The following CCSER1 variants were observed in gnomAD, a reference collection of about 807,000 sequenced individuals.
CCSER1 encodes coiled-coil serine rich protein 1, also known as serine-rich coiled-coil domain-containing protein 1.
A neutral mutation model predicts 82.0 loss-of-function variants in CCSER1; 41 were observed. The observed-to-expected ratio is 0.50, with a 90% CI of 0.39 to 0.65. The LOEUF (loss-of-function observed/expected upper bound fraction) is 0.65. Ranked by LOEUF, CCSER1 falls within the 30% of genes least tolerant of loss-of-function variation. The probability of loss-of-function intolerance (pLI) is 0.00; values close to 1 mark genes in which losing one functional copy is unlikely to be tolerated. For synonymous variants in CCSER1, 414 were observed against 383.9 expected (o/e 1.08, Z -0.92); for missense variants, 1,119 against 1,064.2 (o/e 1.05, Z -0.72).
At chr4:91,369,601 A>G (rs1749875338) in intron 10 of CCSER1, among the ~76,000 whole-genome samples, 1 of 151,540 alleles carries the variant, frequency 6.6e-6, no homozygotes, top group African/African-American at 2.4e-5. Flanking sequence ...AAGATTGACT[A>G]TCAATTAGAC....
chr4:90,501,495 C>T (rs17017068), intron 5 of CCSER1, among the ~76,000 whole-genome samples: 4,067 of 152,182 alleles, frequency 0.027, 191 homozygotes, highest in African/African-American at 0.093. Flanking sequence ...CGTTTTGCTT[C>T]GACTGTCCAC....
At chr4:91,018,015 G>A (rs963461380) in intron 9 of CCSER1, among the ~76,000 whole-genome samples, 2 of 152,044 alleles carry the variant, frequency 1.3e-5, no homozygotes, top group African/African-American at 4.8e-5. Context: ...TCTGAATGTG[G>A]ATGGAAAGGA....
intron 10 of CCSER1, among the ~76,000 whole-genome samples, chr4:91,250,870 C>T (rs959835247): frequency 2.0e-5 from 3 of 151,958 alleles, no homozygotes; most frequent in Non-Finnish European, 4.4e-5. Flanking sequence ...AAGTAAACCA[C>T]CAGCAGGATA....
chr4:90,799,121 G>T lies in CCSER1; in HGVS notation c.2011-16641G>T, dbSNP rs1756437635. Among the ~76,000 whole-genome samples, 3 of 152,144 alleles carry T rather than the reference G, an allele frequency of 2.0e-5. No individual in the cohort carries two copies. The South Asian group carries it at 6.2e-4, about 32-fold the overall frequency. On this transcript the variant is annotated intron_variant, in intron 7 of 10. Transcript: ENST00000509176. Reference sequence around the variant, plus strand: ...GGGGGGTCTCTGTTGGCAACTGTGTGTATGGTCACACTGGAGGTGATGTTG... The same window carrying T: ...GGGGGGTCTCTGTTGGCAACTGTGTTTATGGTCACACTGGAGGTGATGTTG...
chr4:91,237,444 C>A (rs1224611132), intron 10 of CCSER1, among the ~76,000 whole-genome samples: 1 of 151,400 alleles, frequency 6.6e-6, no homozygotes, highest in Non-Finnish European at 1.5e-5. Flanking sequence ...TACTCACCCC[C>A]ATGCAAGTCC....
At chr4:91,586,644 G>A (rs1764009402) in intron 10 of CCSER1, among the ~76,000 whole-genome samples, 1 of 151,754 alleles carries the variant, frequency 6.6e-6, no homozygotes, top group East Asian at 1.9e-4. Context: ...AAGCCAAATT[G>A]CAGTGGGATG....
chr4:90,684,779 G>A (rs949571722), intron 6 of CCSER1, among the ~76,000 whole-genome samples: 4 of 152,080 alleles, frequency 2.6e-5, no homozygotes, highest in Middle Eastern at 3.4e-3. Context: ...CACTGTTCTC[G>A]TGATAGTGAG....
chr4:90,656,514 T>C (rs1729733621), intron 6 of CCSER1, among the ~76,000 whole-genome samples: 1 of 151,866 alleles, frequency 6.6e-6, no homozygotes, highest in Non-Finnish European at 1.5e-5. Flanking sequence ...TTTTCCATTC[T>C]TTTATTTTTG....
intron 1 of CCSER1, among the ~76,000 whole-genome samples, chr4:90,168,333 T>G (rs867746473): frequency 1.3e-5 from 2 of 152,286 alleles, no homozygotes; most frequent in Middle Eastern, 6.8e-3. Context: ...TTTGTTTTTT[T>G]CTTGTAAATT....
intron 10 of CCSER1, among the ~76,000 whole-genome samples, chr4:91,135,808 G>T (rs1430188992): frequency 6.6e-6 from 1 of 152,076 alleles, no homozygotes; most frequent in African/African-American, 2.4e-5. Flanking sequence ...AAGGGAGTTG[G>T]TTGTATTATT....
intron 10 of CCSER1, among the ~76,000 whole-genome samples, chr4:91,093,115 A>G (rs1724140046): frequency 6.6e-6 from 1 of 152,208 alleles, no homozygotes; most frequent in African/African-American, 2.4e-5. Context: ...CTAGAGCCCG[A>G]GTTAAAGCAA....
At chr4:90,884,720 C>A (rs1000040830) in intron 8 of CCSER1, among the ~76,000 whole-genome samples, 2 of 151,978 alleles carry the variant, frequency 1.3e-5, no homozygotes. Flanking sequence ...GAGTACCTAC[C>A]AAATGTGGAA....
chr4:90,962,986 CA>C lies in CCSER1; in HGVS notation c.2172+39549del, dbSNP rs758579829. 3.0e-3 allele frequency among the ~76,000 whole-genome samples: 436 copies of C among 146,878 alleles called. 3 individuals are homozygous for C. Among genetic ancestry groups the C allele is most frequent in the Admixed American group, 5.7e-3 (84 of 14,704 alleles). Reference sequence around the variant, plus strand: ...GTAATTATATATTGTTCTAGTTTAGCAAAAAAAAAATCATGTTTTAAATCCG... The same window carrying C: ...GTAATTATATATTGTTCTAGTTTAGCAAAAAAAAATCATGTTTTAAATCCG... On this transcript the variant is annotated intron_variant, in intron 9 of 10. Transcript: ENST00000509176.
At position 90,207,321 on chromosome 4, in the gene CCSER1, A is replaced by ATGCTGTG. The variant is rs1560798328; in HGVS notation, c.-42+79492_-42+79498dup. Among the ~76,000 whole-genome samples, 12 of 152,226 alleles carry ATGCTGTG rather than the reference A, an allele frequency of 7.9e-5. No homozygotes were observed. The South Asian group carries it at 2.1e-3, about 26-fold the overall frequency. On this transcript the variant is annotated intron_variant, in intron 1 of 10. Transcript: ENST00000509176. The stretch of plus-strand genomic sequence containing the variant: ...CTTGTGAATGCCTCATGAAATTCTC[A>ATGCTGTG]TGCTGTGTTTTTCAGCTCCATCAGG...
At chr4:91,118,148 A>G (rs1726786796) in intron 10 of CCSER1, among the ~76,000 whole-genome samples, 1 of 152,182 alleles carries the variant, frequency 6.6e-6, no homozygotes. Context: ...GGAAAGATGC[A>G]TGCAATTTTA....
chr4:91,312,833 T>C (rs774161486), intron 10 of CCSER1, among the ~76,000 whole-genome samples: 8 of 152,060 alleles, frequency 5.3e-5, no homozygotes, highest in Middle Eastern at 3.4e-3. Flanking sequence ...ACCCTATAAA[T>C]GTATATACAA....
At chr4:90,612,067 T>C (rs1437425584) in intron 5 of CCSER1, among the ~76,000 whole-genome samples, 1 of 152,030 alleles carries the variant, frequency 6.6e-6, no homozygotes, top group African/African-American at 2.4e-5. Flanking sequence ...ATAACAAATA[T>C]TTTAATTGCG....
chr4:91,585,687 A>AATTTAATTCAAATTATACTATT (rs1763953830), intron 10 of CCSER1, among the ~76,000 whole-genome samples: 1 of 151,544 alleles, frequency 6.6e-6, no homozygotes, highest in Non-Finnish European at 1.5e-5. Context: ...AACATTCCAG[A>AATTTAATTCAAATTATACTATT]TAGAGGCTAA....
intron 9 of CCSER1, among the ~76,000 whole-genome samples, chr4:90,958,437 G>A (rs1174366654): frequency 1.3e-5 from 2 of 152,218 alleles, no homozygotes; most frequent in East Asian, 3.9e-4. Flanking sequence ...TCTTGGGTAA[G>A]GTTTCCTCTC....
Sources: gnomAD v4.1 joint callset for allele counts (sites outside exome capture counted in the v4.1 genomes callset) on GRCh38, gnomAD v4.1.1 for gene constraint, MANE v1.5 for transcripts, NCBI Gene and HGNC (gene_info 2026-07-23, HGNC 2026-07-21) for gene names.